The following KCNT2 variants were observed in gnomAD, a reference collection of about 807,000 sequenced individuals.
The protein encoded by KCNT2 is potassium sodium-activated channel subfamily T member 2.
In KCNT2, 67 loss-of-function variants were observed where a neutral mutation model predicts 153.8. That is an observed-to-expected ratio of 0.44 (90% CI 0.36 to 0.53). The LOEUF (loss-of-function observed/expected upper bound fraction) is 0.53. KCNT2 is among the 20% of genes least tolerant of loss of function. The probability of loss-of-function intolerance (pLI) is 0.00; values close to 1 mark genes in which losing one functional copy is unlikely to be tolerated. For missense variants in KCNT2, 975 were observed against 1,354.8 expected (o/e 0.72, Z 4.40); for synonymous variants, 500 against 458.8 (o/e 1.09, Z -1.15).
chr1:196,511,318 C>T (rs962857694), intron 1 of KCNT2, among the ~76,000 whole-genome samples: 1 of 152,088 alleles, frequency 6.6e-6, no homozygotes, highest in South Asian at 2.1e-4. Context: ...TTTGACAGGC[C>T]AGAAACCTTC....
intron 25 of KCNT2, among the ~76,000 whole-genome samples, chr1:196,269,210 G>A (rs1657831944): frequency 1.3e-5 from 2 of 152,234 alleles, no homozygotes; most frequent in South Asian, 4.1e-4. Flanking sequence ...AAAGATATCT[G>A]TGATTGACTT....
chr1:196,521,006 C>T (rs993424474), intron 1 of KCNT2, among the ~76,000 whole-genome samples: 4 of 152,252 alleles, frequency 2.6e-5, no homozygotes, highest in African/African-American at 4.8e-5. Flanking sequence ...ACAGAGTAAA[C>T]AGACATTCTA....
intron 14 of KCNT2, among the ~76,000 whole-genome samples, chr1:196,364,862 T>C (rs1464553289): frequency 6.6e-6 from 1 of 152,130 alleles, no homozygotes; most frequent in Non-Finnish European, 1.5e-5. Context: ...CCCAATAAGT[T>C]AATGAAGAAC....
At chr1:196,402,028 G>GA (rs996993370) in intron 12 of KCNT2, among the ~76,000 whole-genome samples, 1 of 151,190 alleles carries the variant, frequency 6.6e-6, no homozygotes, top group Non-Finnish European at 1.5e-5. Flanking sequence ...TAGAATGAAG[G>GA]AAAAAAACTA....
intron 22 of KCNT2, among the ~76,000 whole-genome samples, chr1:196,300,873 T>C (rs947914542): frequency 6.6e-6 from 1 of 152,132 alleles, no homozygotes; most frequent in Admixed American, 6.5e-5. Context: ...TACCCCAAAA[T>C]ATAGTGCCTT....
intron 25 of KCNT2, among the ~76,000 whole-genome samples, chr1:196,266,970 G>A (rs1201923568): frequency 6.6e-6 from 1 of 152,192 alleles, no homozygotes; most frequent in Non-Finnish European, 1.5e-5. Context: ...TCCTGCTGCT[G>A]TTGCTGCCTA....
At chr1:196,461,514 T>C (rs1388773259) in intron 8 of KCNT2, among the ~76,000 whole-genome samples, 2 of 151,792 alleles carry the variant, frequency 1.3e-5, no homozygotes, top group African/African-American at 4.8e-5. Flanking sequence ...AGTAAAGTAG[T>C]TGCAAAATAA....
At chr1:196,342,292 A>C in intron 14 of KCNT2, 64 bp from the exon 15 acceptor site, 1 of 1,440,638 alleles carries the variant, frequency 6.9e-7, no homozygotes, top group Middle Eastern at 1.8e-4. Flanking sequence ...GTGGTTAAAA[A>C]ACAGTTGTTA....
chr1:196,394,482 G>A (rs773973513), intron 13 of KCNT2, among the ~76,000 whole-genome samples: 2 of 151,440 alleles, frequency 1.3e-5, no homozygotes, highest in African/African-American at 4.8e-5. Flanking sequence ...ATGGTGCTGG[G>A]AATAATGGGT....
intron 1 of KCNT2, among the ~76,000 whole-genome samples, chr1:196,525,047 CTT>C (rs767934203): frequency 6.6e-6 from 1 of 152,078 alleles, no homozygotes; most frequent in South Asian, 2.1e-4. Flanking sequence ...TCAAATTTGA[CTT>C]TGAGATTCTA....
chr1:196,504,082 G>A (rs945258189), intron 1 of KCNT2, among the ~76,000 whole-genome samples: 3 of 151,862 alleles, frequency 2.0e-5, no homozygotes, highest in Admixed American at 2.0e-4. Context: ...ATACAAATGG[G>A]TTTTTTTAAT....
At chr1:196,584,845 C>T (rs904718290) in intron 1 of KCNT2, among the ~76,000 whole-genome samples, 2 of 151,938 alleles carry the variant, frequency 1.3e-5, no homozygotes, top group South Asian at 4.1e-4. Flanking sequence ...ATTTATCACC[C>T]AGTCTAATAT....
At chr1:196,333,168 G>A (rs919555902) in intron 17 of KCNT2, among the ~76,000 whole-genome samples, 2 of 151,542 alleles carry the variant, frequency 1.3e-5, no homozygotes, top group African/African-American at 4.9e-5. Context: ...AACTGGCATG[G>A]CAAGCAATGT....
At chr1:196,463,459 T>A (rs528770727) in intron 8 of KCNT2, among the ~76,000 whole-genome samples, 66 of 151,908 alleles carry the variant, frequency 4.3e-4, no homozygotes, top group African/African-American at 1.5e-3. Context: ...TTATGATACA[T>A]GTGATTAAAC....
At chr1:196,249,904 A>T (rs1655801034) in intron 26 of KCNT2, among the ~76,000 whole-genome samples, 1 of 152,144 alleles carries the variant, frequency 6.6e-6, no homozygotes, top group African/African-American at 2.4e-5. Flanking sequence ...GAAGTGAAAA[A>T]GCTCTACAAA....
chr1:196,499,562 T>G (rs890184278), intron 1 of KCNT2, among the ~76,000 whole-genome samples: 10 of 152,220 alleles, frequency 6.6e-5, no homozygotes, highest in Non-Finnish European at 1.3e-4. Flanking sequence ...ACTAATAGTA[T>G]GGTAGGAGAG....
chr1:196,283,663 C>G (rs1659342837), intron 23 of KCNT2, among the ~76,000 whole-genome samples: 1 of 151,734 alleles, frequency 6.6e-6, no homozygotes, highest in African/African-American at 2.4e-5. Flanking sequence ...ATCAAAAGTC[C>G]CACTGAAGAG....
intron 1 of KCNT2, among the ~76,000 whole-genome samples, chr1:196,551,895 T>G (rs1657954505): frequency 6.6e-6 from 1 of 151,622 alleles, no homozygotes; most frequent in Non-Finnish European, 1.5e-5. Context: ...CTGCCCTGGT[T>G]GGTATACTTG....
chr1:196,593,722 T>C (rs1261615084), intron 1 of KCNT2, among the ~76,000 whole-genome samples: 1 of 151,994 alleles, frequency 6.6e-6, no homozygotes, highest in Non-Finnish European at 1.5e-5. Flanking sequence ...GGTCACTCCA[T>C]GTAACAAAAA....
Sources: allele counts gnomAD v4.1 joint callset (sites outside exome capture counted in the v4.1 genomes callset), GRCh38; gene constraint gnomAD v4.1.1; transcripts MANE v1.5; gene names NCBI Gene and HGNC (gene_info 2026-07-23, HGNC 2026-07-21).